The following KLHL1 variants were observed in gnomAD, a reference collection of about 807,000 sequenced individuals.
KLHL1 encodes kelch like family member 1.
KLHL1 carries 47 observed loss-of-function variants against 77.7 expected under a neutral mutation model. The observed-to-expected ratio is 0.60, with a 90% CI of 0.48 to 0.77. The LOEUF is 0.77. KLHL1 is among the 30% of genes least tolerant of loss of function. The probability of loss-of-function intolerance (pLI) is 0.00; values close to 1 mark genes in which losing one functional copy is unlikely to be tolerated. For missense variants in KLHL1, 925 were observed against 910.8 expected (o/e 1.02, Z -0.20); for synonymous variants, 360 against 325.2 (o/e 1.11, Z -1.15).
rs548913844 is a variant in KLHL1, at chr13:70,010,341, T to C, written c.498-34539A>G. On this transcript the variant is annotated intron_variant, in intron 1 of 10. Transcript: ENST00000377844. ...AAAAGACCACTCTAAGTAATTATGA[T>C]GATTTGAAATCAGAGAAAGAAAAGG... Among the ~76,000 whole-genome samples, 7 of 152,216 alleles carry C rather than the reference T, an allele frequency of 4.6e-5. 1 individual carries two copies. The East Asian group carries it at 1.4e-3, about 29-fold the overall frequency.
intron 1 of KLHL1, among the ~76,000 whole-genome samples, chr13:70,056,462 C>T (rs995730868): frequency 1.3e-5 from 2 of 152,104 alleles, no homozygotes; most frequent in Admixed American, 6.5e-5. Flanking sequence ...AAACATCAAA[C>T]TTAATCTGCA....
At chr13:69,785,556 A>G (rs555419867) in intron 7 of KLHL1, among the ~76,000 whole-genome samples, 41 of 151,356 alleles carry the variant, frequency 2.7e-4, no homozygotes, top group Non-Finnish European at 4.6e-4. Context: ...AAGAGAAAGC[A>G]GGAAAGATCC....
intron 1 of KLHL1, among the ~76,000 whole-genome samples, chr13:69,976,213 A>T (rs546676639): frequency 6.6e-6 from 1 of 152,102 alleles, no homozygotes; most frequent in South Asian, 2.1e-4. Context: ...AATTCTTGAG[A>T]TGTCATAGTA....
intron 7 of KLHL1, among the ~76,000 whole-genome samples, chr13:69,775,399 A>G (rs748049944): frequency 1.3e-5 from 2 of 152,190 alleles, no homozygotes; most frequent in South Asian, 4.1e-4. Flanking sequence ...ACTAGTAACT[A>G]TCAATGTCAA....
chr13:69,719,366 T>G lies in KLHL1; in HGVS notation c.2015+3A>C. On this transcript the variant is annotated splice_donor_region_variant and intron_variant, in intron 9 of 10. Coordinates refer to ENST00000377844, the MANE Select transcript of KLHL1 (RefSeq NM_020866.3). ...CGCTGTAACAGTGTCCTTGGGGTCT[T>G]ACCTTTCTACATAATCCAGTAGCCG... 6.2e-7 allele frequency: 1 copy of G among 1,612,564 alleles called. No homozygotes were observed. Among genetic ancestry groups the G allele is most frequent in the Non-Finnish European group, 8.5e-7 (1 of 1,178,878 alleles).
chr13:70,032,567 TCTTA>T (rs1886130753), intron 1 of KLHL1, among the ~76,000 whole-genome samples: 1 of 152,204 alleles, frequency 6.6e-6, no homozygotes, highest in Admixed American at 6.5e-5. Flanking sequence ...AGTATCTCAT[TCTTA>T]CTTACGATGT....
At chr13:70,007,156 C>T (rs73212576) in intron 1 of KLHL1, among the ~76,000 whole-genome samples, 5,647 of 151,728 alleles carry the variant, frequency 0.037, 151 homozygotes, top group East Asian at 0.072. Context: ...ATCAACAAAC[C>T]GTGATAATAC....
intron 4 of KLHL1, among the ~76,000 whole-genome samples, chr13:69,935,251 A>ACATAGTTCACCTACTGGTGAACTTGGTC (rs1555282585): frequency 6.8e-6 from 1 of 146,796 alleles, no homozygotes; most frequent in African/African-American, 2.6e-5. Context: ...TGAACTTGGT[A>ACATAGTTCACCTACTGGTGAACTTGGTC]CATAGTTCAC....
At chr13:70,029,904 G>T (rs1221967946) in intron 1 of KLHL1, among the ~76,000 whole-genome samples, 2 of 152,092 alleles carry the variant, frequency 1.3e-5, no homozygotes, top group African/African-American at 4.8e-5. Flanking sequence ...GATGGAGGAA[G>T]ATCCACCAAG....
At chr13:69,895,018 T>G in intron 4 of KLHL1, 1 of 508,608 alleles carries the variant, frequency 2.0e-6, no homozygotes, top group Admixed American at 2.0e-5. Context: ...ATGATTGTCA[T>G]CAATGATCTC....
intron 5 of KLHL1, among the ~76,000 whole-genome samples, chr13:69,841,514 C>G (rs1413480863): frequency 6.6e-6 from 1 of 151,470 alleles, no homozygotes; most frequent in African/African-American, 2.4e-5. Context: ...AGTGAAAGAT[C>G]TCTACAGGGA....
At chr13:69,937,587 A>C (rs907189954) in intron 4 of KLHL1, among the ~76,000 whole-genome samples, 2 of 152,120 alleles carry the variant, frequency 1.3e-5, no homozygotes, top group East Asian at 3.9e-4. Flanking sequence ...TTCTGGTGCT[A>C]TCTCTATATT....
At chr13:69,701,867 T>C (rs1875410820) in intron 10 of KLHL1, 106 bp from the exon 11 acceptor site, 1 of 811,580 alleles carries the variant, frequency 1.2e-6, no homozygotes, top group East Asian at 2.9e-5. Context: ...AATGTGCTTG[T>C]TTTCCCATTT....
intron 2 of KLHL1, 115 bp downstream of exon 2, chr13:69,975,505 T>G (rs56168989): frequency 4.7e-5 from 18 of 385,076 alleles, no homozygotes; most frequent in Non-Finnish European, 6.1e-5. Flanking sequence ...AACAAAAAAC[T>G]TAAAAAAATG....
chr13:69,885,601 T>C (rs965011250), intron 4 of KLHL1, among the ~76,000 whole-genome samples: 3 of 152,208 alleles, frequency 2.0e-5, no homozygotes, highest in East Asian at 3.9e-4. Context: ...TCAATTCCCA[T>C]TGAGTTTCTT....
chr13:69,853,820 A>T (rs903793286), intron 5 of KLHL1, among the ~76,000 whole-genome samples: 3 of 151,978 alleles, frequency 2.0e-5, no homozygotes, highest in Non-Finnish European at 4.4e-5. Context: ...TCCATATTTC[A>T]TTTGTAAAAT....
In KLHL1 at chr13:70,027,649, G is replaced by GTTTTTTTTTTTTTTT. The variant is rs1185282462; in HGVS notation, c.498-51848_498-51847insAAAAAAAAAAAAAAA. Among the ~76,000 whole-genome samples the GTTTTTTTTTTTTTTT allele has an allele frequency of 2.6e-4, 28 of 109,302 alleles. 2 individuals carry two copies. Among genetic ancestry groups the GTTTTTTTTTTTTTTT allele is most frequent in the East Asian group, 2.3e-3 (8 of 3,522 alleles). 71.7% of individuals were successfully genotyped at this position (109,302 alleles called of 152,430 possible). A position where few individuals can be genotyped will look rare whatever the true frequency, so the allele number is the denominator to read the frequency against. On this transcript the variant is annotated intron_variant, in intron 1 of 10. Transcript: ENST00000377844. ...GGCATTTTTGAAGCGCAAAATGTAAGTTGTTTTTTTTTTTTTATGAACTGA... is the reference window on the plus strand; with the variant it reads ...GGCATTTTTGAAGCGCAAAATGTAAGTTTTTTTTTTTTTTTTTGTTTTTTTTTTTTTATGAACTGA...
At chr13:69,739,144 G>A (rs1018336344) in intron 8 of KLHL1, among the ~76,000 whole-genome samples, 1 of 152,108 alleles carries the variant, frequency 6.6e-6, no homozygotes, top group African/African-American at 2.4e-5. Flanking sequence ...TTCATAGCTA[G>A]CTTAACTAAG....
chr13:69,900,059 G>A (rs936525089), intron 4 of KLHL1, among the ~76,000 whole-genome samples: 3 of 152,104 alleles, frequency 2.0e-5, no homozygotes, highest in Non-Finnish European at 4.4e-5. Flanking sequence ...CCAGCTGTTG[G>A]AAGTAAACTA....
Sources: allele counts gnomAD v4.1 joint callset (sites outside exome capture counted in the v4.1 genomes callset), GRCh38; gene constraint gnomAD v4.1.1; transcripts MANE v1.5; gene names NCBI Gene and HGNC (gene_info 2026-07-23, HGNC 2026-07-21).